SHC4: variants seen among roughly 807,000 people sequenced by gnomAD.
SHC4 encodes SHC adaptor protein 4, also known as SHC-transforming protein 4.
SHC4 carries 41 observed loss-of-function variants against 69.4 expected under a neutral mutation model. That is an observed-to-expected ratio of 0.59 (90% CI 0.46 to 0.77). SHC4 has a LOEUF of 0.77. Ranked by LOEUF, SHC4 falls within the 30% of genes least tolerant of loss-of-function variation. The probability of loss-of-function intolerance (pLI) is 0.00; values close to 1 mark genes in which losing one functional copy is unlikely to be tolerated. For missense variants in SHC4, 777 were observed against 783.8 expected, an observed-to-expected ratio of 0.99 and a Z score of 0.10; for synonymous variants, 318 against 299.3, an observed-to-expected ratio of 1.06 and a Z score of -0.64.
intron 1 of SHC4, among the ~76,000 whole-genome samples, chr15:48,933,693 T>C (rs1455247350): frequency 6.6e-6 from 1 of 152,160 alleles, no homozygotes; most frequent in East Asian, 1.9e-4. Context: ...CATGTCCCAA[T>C]TTCAAAACTT....
In SHC4 at chr15:48,825,932, G is replaced by A; in HGVS notation, c.*39C>T. 2 of 1,591,482 alleles carry A rather than the reference G, an allele frequency of 1.3e-6. No homozygotes were observed. Among genetic ancestry groups the A allele is most frequent in the Non-Finnish European group, 1.7e-6 (2 of 1,170,804 alleles). Reference sequence around the variant, plus strand: ...ATCTTTGTGTCCTAATACAAAATGGGGTTTCTTGAAATATCAGTGTGATGG... The same window carrying A: ...ATCTTTGTGTCCTAATACAAAATGGAGTTTCTTGAAATATCAGTGTGATGG... On this transcript the variant is annotated 3_prime_UTR_variant, in exon 12 of 12. Coordinates refer to ENST00000332408, the MANE Select transcript of SHC4 (RefSeq NM_203349.4).
At chr15:48,937,432 T>C (rs1901091864) in intron 1 of SHC4, among the ~76,000 whole-genome samples, 1 of 152,176 alleles carries the variant, frequency 6.6e-6, no homozygotes, top group South Asian at 2.1e-4. Context: ...GTCACAGGGC[T>C]GATTAATGGA....
intron 2 of SHC4, among the ~76,000 whole-genome samples, chr15:48,914,427 G>C (rs1212287901): frequency 1.3e-5 from 2 of 152,168 alleles, no homozygotes; most frequent in East Asian, 1.9e-4. Flanking sequence ...TGATTTTGCG[G>C]TTGCAGAAGC....
At chr15:48,879,456 TAAA>T (rs1259276048) in intron 4 of SHC4, 6 of 167,086 alleles carry the variant, frequency 3.6e-5, no homozygotes, top group Non-Finnish European at 5.9e-5. Context: ...CATCCTTAAT[TAAA>T]AAGTTTCAAA....
chr15:48,833,129 GA>G (rs1270651897), intron 11 of SHC4, among the ~76,000 whole-genome samples: 1 of 152,098 alleles, frequency 6.6e-6, no homozygotes, highest in Non-Finnish European at 1.5e-5. Flanking sequence ...CTATGCATTT[GA>G]AAAACAGCCA....
intron 4 of SHC4, chr15:48,877,580 A>T: frequency 1.0e-6 from 1 of 985,244 alleles, no homozygotes; most frequent in Non-Finnish European, 1.2e-6. Context: ...CATTGCTAAT[A>T]GTGGAAAGAT....
At chr15:48,957,453 C>T (rs1901474554) in intron 1 of SHC4, among the ~76,000 whole-genome samples, 1 of 152,190 alleles carries the variant, frequency 6.6e-6, no homozygotes, top group Non-Finnish European at 1.5e-5. Flanking sequence ...CTGTGGACTA[C>T]ATCTAGTCTA....
intron 1 of SHC4, chr15:48,946,065 T>G (rs1381691504): frequency 6.6e-6 from 1 of 152,226 alleles, no homozygotes; most frequent in East Asian, 1.9e-4. Context: ...TTCAATTATC[T>G]GAAAAAGTCA....
intron 9 of SHC4, among the ~76,000 whole-genome samples, chr15:48,850,432 T>C (rs1432629091): frequency 6.6e-6 from 1 of 152,158 alleles, no homozygotes; most frequent in Non-Finnish European, 1.5e-5. Flanking sequence ...AGTGACTACC[T>C]TGTAGATGGC....
intron 4 of SHC4, among the ~76,000 whole-genome samples, chr15:48,873,607 G>A (rs942669075): frequency 6.6e-6 from 1 of 152,158 alleles, no homozygotes; most frequent in Non-Finnish European, 1.5e-5. Flanking sequence ...AGCTGGGCGT[G>A]GTGGGCACCT....
rs371637218 is a variant in SHC4, at chr15:48,857,771, T to A, written c.991A>T (p.Ile331Leu). ...ECHNGMAQDV[I>L]STIGQAFELR... ...TCAAAAGCCTGCCCTATGGTACTTA[T>A]GACGTCTTGGGCCATTCCATTGTGG... Residue 331 changes from isoleucine to leucine, a missense_variant, in exon 7 of 12, where the codon ATA (isoleucine) becomes TTA (leucine). Coordinates refer to ENST00000332408, the MANE Select transcript of SHC4 (RefSeq NM_203349.4). The A allele has an allele frequency of 6.2e-7, 1 of 1,605,502 alleles. No individual in the cohort carries two copies. The highest frequency in any genetic ancestry group is 1.3e-5 in the African/African-American group (1 of 74,910).
At chr15:48,921,876 T>G (rs569493455) in intron 2 of SHC4, among the ~76,000 whole-genome samples, 1 of 152,316 alleles carries the variant, frequency 6.6e-6, no homozygotes, top group South Asian at 2.1e-4. Context: ...AGACTTAGTA[T>G]ATAATATTGT....
chr15:48,860,106 T>G (rs1405542159), intron 6 of SHC4, among the ~76,000 whole-genome samples: 2 of 152,070 alleles, frequency 1.3e-5, no homozygotes, highest in Non-Finnish European at 2.9e-5. Context: ...ATGGCTTAAA[T>G]GATAAAATAT....
At chr15:48,832,486 AT>A (rs1178508560) in intron 11 of SHC4, among the ~76,000 whole-genome samples, 1 of 152,126 alleles carries the variant, frequency 6.6e-6, no homozygotes, top group Non-Finnish European at 1.5e-5. Flanking sequence ...TGACATTTTG[AT>A]TATAATGTAT....
chr15:48,951,213 G>A (rs906179719), intron 1 of SHC4, among the ~76,000 whole-genome samples: 1 of 152,046 alleles, frequency 6.6e-6, no homozygotes, highest in African/African-American at 2.4e-5. Flanking sequence ...GAACACAGCA[G>A]GTGTACAATG....
At chr15:48,948,557 G>C (rs886964720) in intron 1 of SHC4, among the ~76,000 whole-genome samples, 1 of 152,150 alleles carries the variant, frequency 6.6e-6, no homozygotes, top group Non-Finnish European at 1.5e-5. Context: ...GCTGTATATG[G>C]CACCTGTATA....
At chr15:48,827,533 CCTT>C (rs1406209948) in intron 11 of SHC4, among the ~76,000 whole-genome samples, 1 of 133,394 alleles carries the variant, frequency 7.5e-6, no homozygotes, top group African/African-American at 2.7e-5. Flanking sequence ...AGTCACTCTG[CCTT>C]CTTCTTTGTA....
chr15:48,885,219 G>A (rs78368171), intron 3 of SHC4, among the ~76,000 whole-genome samples: 1 of 152,072 alleles, frequency 6.6e-6, no homozygotes, highest in Non-Finnish European at 1.5e-5. Flanking sequence ...GTACCAACAG[G>A]GGGGCGAGAG....
chr15:48,900,110 T>G (rs1445699272), intron 2 of SHC4, among the ~76,000 whole-genome samples: 1 of 152,198 alleles, frequency 6.6e-6, no homozygotes, highest in Non-Finnish European at 1.5e-5. Context: ...TATTCCGTTC[T>G]GGGGAATTTT....
Sources: allele counts gnomAD v4.1 joint callset (sites outside exome capture counted in the v4.1 genomes callset), GRCh38; gene constraint gnomAD v4.1.1; transcripts MANE v1.5; gene names NCBI Gene and HGNC (gene_info 2026-07-23, HGNC 2026-07-21).